TRPM3: variants seen among roughly 807,000 people sequenced by gnomAD.
The protein encoded by TRPM3 is transient receptor potential cation channel subfamily M member 3.
A neutral mutation model predicts 181.2 loss-of-function variants in TRPM3; 77 were observed. The observed-to-expected ratio is 0.42, with a 90% confidence interval of 0.35 to 0.51. The LOEUF is 0.51. Ranked by LOEUF, TRPM3 falls within the 20% of genes least tolerant of loss-of-function variation. The pLI is 0.01. For missense variants in TRPM3, 1,759 were observed against 2,196.7 expected (o/e 0.80, Z 3.98); for synonymous variants, 745 against 796.4 (o/e 0.94, Z 1.09).
intron 7 of TRPM3, among the ~76,000 whole-genome samples, chr9:70,770,405 A>G (rs374193783): frequency 4.1e-4 from 63 of 152,342 alleles, no homozygotes; most frequent in African/African-American, 1.3e-3. Flanking sequence ...AAGAGTTTCA[A>G]TGATATCAAG....
intron 3 of TRPM3, among the ~76,000 whole-genome samples, chr9:70,856,867 T>C (rs34543029): frequency 0.37 from 56,505 of 152,060 alleles, 10,898 homozygotes; most frequent in African/African-American, 0.39. Context: ...CTTATTTACC[T>C]GGCCCACAAG....
At chr9:70,671,930 ATTTTT>A (rs10633740) in intron 9 of TRPM3, among the ~76,000 whole-genome samples, 1 of 141,518 alleles carries the variant, frequency 7.1e-6, no homozygotes, top group Non-Finnish European at 1.5e-5. Context: ...TGTCCAGCTA[ATTTTT>A]TTTTTTTTTT....
chr9:70,672,176 C>A (rs2063093519), intron 9 of TRPM3, among the ~76,000 whole-genome samples: 2 of 152,286 alleles, frequency 1.3e-5, no homozygotes, highest in East Asian at 1.9e-4. Flanking sequence ...ATACAGCTAA[C>A]CCCATCTCTC....
chr9:71,012,488 T>C (rs2097754344), intron 1 of TRPM3, among the ~76,000 whole-genome samples: 2 of 151,996 alleles, frequency 1.3e-5, no homozygotes, highest in Admixed American at 6.6e-5. Flanking sequence ...TTATCAGATG[T>C]TTATTTTTCC....
chr9:70,914,861 A>C (rs547778716), intron 1 of TRPM3, among the ~76,000 whole-genome samples: 1 of 152,246 alleles, frequency 6.6e-6, no homozygotes, highest in Non-Finnish European at 1.5e-5. Context: ...CAGTACCTCC[A>C]TGAGTTTGCA....
At chr9:70,995,100 G>C (rs2097529704) in intron 1 of TRPM3, among the ~76,000 whole-genome samples, 1 of 151,290 alleles carries the variant, frequency 6.6e-6, no homozygotes, top group Non-Finnish European at 1.5e-5. Context: ...GGGTGTGTCT[G>C]TGTGTGTGTG....
chr9:70,553,832 G>C (rs977713751), intron 22 of TRPM3, among the ~76,000 whole-genome samples: 3 of 152,208 alleles, frequency 2.0e-5, no homozygotes, highest in African/African-American at 7.2e-5. Context: ...CTAACGATTT[G>C]CTGTCTCAGT....
chr9:70,943,139 C>G (rs1008376560), intron 1 of TRPM3, among the ~76,000 whole-genome samples: 1 of 151,966 alleles, frequency 6.6e-6, no homozygotes, highest in African/African-American at 2.4e-5. Context: ...GGAATAATGC[C>G]CACATCTAGG....
intron 6 of TRPM3, among the ~76,000 whole-genome samples, chr9:70,821,120 T>G (rs2093129264): frequency 6.8e-6 from 1 of 147,128 alleles, no homozygotes; most frequent in Non-Finnish European, 1.5e-5. Context: ...TTTTATTTTT[T>G]GAAAGAATTG....
At chr9:71,403,302 A>G (rs1286915832) in intron 1 of TRPM3, among the ~76,000 whole-genome samples, 1 of 152,198 alleles carries the variant, frequency 6.6e-6, no homozygotes, top group African/African-American at 2.4e-5. Context: ...CTCAAAGCCT[A>G]AAATAGTTAC....
chr9:71,134,077 G>T (rs944034411), intron 1 of TRPM3, among the ~76,000 whole-genome samples: 6 of 151,668 alleles, frequency 4.0e-5, no homozygotes, highest in Non-Finnish European at 8.8e-5. Flanking sequence ...ACATTTTAAA[G>T]ACTGAATAAA....
intron 1 of TRPM3, among the ~76,000 whole-genome samples, chr9:70,865,811 G>A (rs1184382599): frequency 6.6e-6 from 1 of 152,046 alleles, no homozygotes; most frequent in East Asian, 1.9e-4. Flanking sequence ...ACTGCATCCT[G>A]TTTCAGTAAT....
chr9:71,056,830 C>T (rs1460451727), intron 1 of TRPM3, among the ~76,000 whole-genome samples: 5 of 151,906 alleles, frequency 3.3e-5, no homozygotes, highest in Admixed American at 2.6e-4. Flanking sequence ...TTTAGACCAC[C>T]CAGTGTATGT....
At chr9:70,792,526 A>C (rs1289708434) in intron 6 of TRPM3, among the ~76,000 whole-genome samples, 2 of 151,776 alleles carry the variant, frequency 1.3e-5, no homozygotes, top group Non-Finnish European at 2.9e-5. Flanking sequence ...AGAGAATAAA[A>C]GAGAATGAAA....
intron 1 of TRPM3, among the ~76,000 whole-genome samples, chr9:71,288,108 A>C (rs570472329): frequency 6.6e-6 from 1 of 151,994 alleles, no homozygotes; most frequent in African/African-American, 2.4e-5. Context: ...GTTTTACAAC[A>C]TTTGCTTTCT....
chr9:71,272,648 T>C (rs894848851), intron 1 of TRPM3, among the ~76,000 whole-genome samples: 2 of 152,176 alleles, frequency 1.3e-5, no homozygotes, highest in African/African-American at 2.4e-5. Context: ...TAGATTATAA[T>C]ATGAAATTCA....
exon 1 of TRPM3, chr9:71,446,831 C>T (rs1192605554): frequency 3.9e-6 from 6 of 1,540,706 alleles, no homozygotes; most frequent in Non-Finnish European, 5.3e-6. Context: ...CCACTTCTTC[C>T]CCATGAGAAG....
At chr9:71,330,679 G>A (rs2132530446) in intron 1 of TRPM3, among the ~76,000 whole-genome samples, 1 of 152,010 alleles carries the variant, frequency 6.6e-6, no homozygotes, top group South Asian at 2.1e-4. Flanking sequence ...TATACCCAGT[G>A]TGAATTAGTG....
At chr9:70,834,643 G>A (rs2094182041) in intron 5 of TRPM3, among the ~76,000 whole-genome samples, 1 of 152,144 alleles carries the variant, frequency 6.6e-6, no homozygotes, top group Non-Finnish European at 1.5e-5. Context: ...GGAAGCCAGT[G>A]GCATGTGTGA....
Sources: allele counts gnomAD v4.1 joint callset (sites outside exome capture counted in the v4.1 genomes callset), GRCh38; gene constraint gnomAD v4.1.1; transcripts MANE v1.5; gene names NCBI Gene and HGNC (gene_info 2026-07-23, HGNC 2026-07-21).